ZNF521: variants seen among roughly 807,000 people sequenced by gnomAD.
ZNF521 encodes LYST-interacting protein 3.
Under a neutral mutation model 105.5 loss-of-function variants are expected in ZNF521, and 14 were observed. The ratio of observed to expected loss-of-function variants is 0.13; its 90% CI spans 0.09 to 0.21. The LOEUF (loss-of-function observed/expected upper bound fraction) is 0.21, where lower values mean the gene tolerates loss of function less well. Among genes scored for constraint, ZNF521 ranks in the 10% least tolerant of loss-of-function variants. The pLI is 1.00. For synonymous variants in ZNF521, 635 were observed against 606.0 expected, an observed-to-expected ratio of 1.05 and a Z score of -0.70; for missense variants, 1,233 against 1,629.7, an observed-to-expected ratio of 0.76 and a Z score of 4.19.
intron 3 of ZNF521, among the ~76,000 whole-genome samples, chr18:25,319,911 G>A (rs897515178): frequency 2.2e-4 from 33 of 152,108 alleles, no homozygotes; most frequent in Admixed American, 1.6e-3. Flanking sequence ...TAATCCTTGG[G>A]AAACATCAGA....
At chr18:25,272,268 G>A (rs1009150491) in intron 3 of ZNF521, among the ~76,000 whole-genome samples, 2 of 152,198 alleles carry the variant, frequency 1.3e-5, no homozygotes, top group Non-Finnish European at 2.9e-5. Flanking sequence ...AACAACAGAT[G>A]CTGGAGAGGA....
In ZNF521 at chr18:25,092,073, G is replaced by C; in HGVS notation, c.3667C>G (p.Leu1223Val). 6.2e-7 allele frequency: 1 copy of C among 1,613,860 alleles called. No homozygotes were observed. Among genetic ancestry groups the C allele is most frequent in the Non-Finnish European group, 8.5e-7 (1 of 1,179,816 alleles). ...CTGCAGAGTTTGCATTCATGGTTCAGTCCTTCATCTGTCAAGGAAAACACA... is the reference window on the plus strand; with the variant it reads ...CTGCAGAGTTTGCATTCATGGTTCACTCCTTCATCTGTCAAGGAAAACACA... ...HVANHMIDEG[L>V]NHECKLCSQT... The change falls in exon 6 of 8, where the codon CTG becomes GTG. Residue 1223 changes from leucine (L) to valine (V), a missense_variant. Physicochemically the swap from Leu to Val is conservative, Grantham distance 32 (BLOSUM62 1). This residue lies in a region of ZNF521 where 76 missense variants were observed against 137.2 expected (regional missense o/e 0.55). Transcript: ENST00000361524.
At chr18:25,342,076 C>T (rs1033267128) in intron 2 of ZNF521, among the ~76,000 whole-genome samples, 1 of 152,112 alleles carries the variant, frequency 6.6e-6, no homozygotes, top group South Asian at 2.1e-4. Flanking sequence ...AGTATGCCCC[C>T]GTGCTCTTCC....
rs1011158551 is a variant in ZNF521 at position 25,092,149 on chromosome 18, T to A, written c.3659-68A>T. Reference sequence around the variant, plus strand: ...ATATCTTTAATACACTAGAGAGTTATCTTTAATTGCATATATTAAACTATT... The same window carrying A: ...ATATCTTTAATACACTAGAGAGTTAACTTTAATTGCATATATTAAACTATT... On this transcript the variant is annotated intron_variant, in intron 5 of 7. Coordinates refer to ENST00000361524, the MANE Select transcript of ZNF521 (RefSeq NM_015461.3). The A allele has an allele frequency of 7.6e-6, 12 of 1,572,090 alleles. No homozygotes were observed. The East Asian group carries it at 2.5e-4, about 32-fold the overall frequency.
intron 5 of ZNF521, among the ~76,000 whole-genome samples, chr18:25,111,854 C>A (rs2034197012): frequency 6.6e-6 from 1 of 152,230 alleles, no homozygotes; most frequent in Non-Finnish European, 1.5e-5. Context: ...CGAGGTTTTA[C>A]TGCATCTTGA....
rs76965925 is a variant in ZNF521, at chr18:25,173,222, G to A, written c.3658+21938C>T. 3.2e-3 allele frequency among the ~76,000 whole-genome samples: 483 copies of A among 152,264 alleles called. 2 individuals carry two copies. Among genetic ancestry groups the A allele is most frequent in the African/African-American group, 0.011 (457 of 41,570 alleles). ...CCAGGCCCAGGGCTAGTGGGCCTGT[G>A]CTAATTTACATGGCTGATGGAACGC... On this transcript the variant is annotated intron_variant, in intron 5 of 7. Transcript: ENST00000361524.
chr18:25,296,460 A>G (rs557977069), intron 3 of ZNF521, among the ~76,000 whole-genome samples: 8 of 152,244 alleles, frequency 5.3e-5, no homozygotes, highest in Non-Finnish European at 1.0e-4. Context: ...TTGTTTCTTC[A>G]AAGATACTCA....
chr18:25,230,381 C>T (rs1036154060), intron 3 of ZNF521, among the ~76,000 whole-genome samples: 2 of 152,324 alleles, frequency 1.3e-5, no homozygotes, highest in East Asian at 3.9e-4. Flanking sequence ...CAGGGACTCA[C>T]TACTCCAAGC....
At chr18:25,177,203 C>A (rs2035549992) in intron 5 of ZNF521, among the ~76,000 whole-genome samples, 1 of 152,028 alleles carries the variant, frequency 6.6e-6, no homozygotes, top group Non-Finnish European at 1.5e-5. Context: ...GAGATGTGAA[C>A]CTCAAAGAAA....
intron 4 of ZNF521, among the ~76,000 whole-genome samples, chr18:25,199,042 A>G (rs1568005724): frequency 6.6e-6 from 1 of 152,020 alleles, no homozygotes. Context: ...TATGAAGTAT[A>G]CATCACCAAT....
chr18:25,338,380 T>G (rs1216604314), intron 2 of ZNF521, among the ~76,000 whole-genome samples: 1 of 151,588 alleles, frequency 6.6e-6, no homozygotes, highest in East Asian at 1.9e-4. Flanking sequence ...GTAGACATAT[T>G]ACTGTTTTCA....
chr18:25,297,309 T>C (rs1411234254), intron 3 of ZNF521, among the ~76,000 whole-genome samples: 1 of 152,042 alleles, frequency 6.6e-6, no homozygotes, highest in Non-Finnish European at 1.5e-5. Flanking sequence ...TGTAATCCAG[T>C]TTTGCTAACA....
chr18:25,075,990 G>A (rs1223931052), intron 7 of ZNF521, among the ~76,000 whole-genome samples: 5 of 152,060 alleles, frequency 3.3e-5, no homozygotes, highest in Admixed American at 6.5e-5. Context: ...GCAATGAAAC[G>A]ACAAATCTGG....
chr18:25,210,827 T>C (rs2036166449), intron 4 of ZNF521, among the ~76,000 whole-genome samples: 1 of 152,220 alleles, frequency 6.6e-6, no homozygotes, highest in African/African-American at 2.4e-5. Context: ...CTCTGCTCAC[T>C]CTGCTCCAGG....
chr18:25,192,183 A>T (rs779831751), intron 5 of ZNF521, among the ~76,000 whole-genome samples: 16 of 152,318 alleles, frequency 1.1e-4, no homozygotes, highest in Middle Eastern at 3.4e-3. Flanking sequence ...AAATGTGGTG[A>T]AGAGGGAGGT....
chr18:25,219,123 G>A (rs1433198399), intron 4 of ZNF521, among the ~76,000 whole-genome samples: 5 of 152,192 alleles, frequency 3.3e-5, no homozygotes, highest in African/African-American at 1.2e-4. Flanking sequence ...AGAATACAGT[G>A]TGTAATACAT....
chr18:25,210,926 T>C (rs1260623579), intron 4 of ZNF521, among the ~76,000 whole-genome samples: 4 of 152,234 alleles, frequency 2.6e-5, no homozygotes, highest in Non-Finnish European at 4.4e-5. Flanking sequence ...GTATAAAGCT[T>C]CTCCTCTTTA....
chr18:25,190,585 G>C (rs2035801441), intron 5 of ZNF521, among the ~76,000 whole-genome samples: 1 of 152,164 alleles, frequency 6.6e-6, no homozygotes, highest in Admixed American at 6.5e-5. Context: ...CACTCAAGCT[G>C]AAATGCTTCA....
chr18:25,312,742 C>T (rs1216377158), intron 3 of ZNF521, among the ~76,000 whole-genome samples: 1 of 98,870 alleles, frequency 1.0e-5, no homozygotes, highest in Non-Finnish European at 2.1e-5. Flanking sequence ...ACCCGGGAAG[C>T]GGAGCTTGCA....
Sources: gnomAD v4.1 joint callset for allele counts (sites outside exome capture counted in the v4.1 genomes callset) on GRCh38, gnomAD v4.1.1 for gene constraint, gnomAD v4.1.1 regional missense constraint, MANE v1.5 for transcripts, NCBI Gene and HGNC (gene_info 2026-07-23, HGNC 2026-07-21) for gene names.